The following TANC1 variants were observed in gnomAD, a reference collection of about 807,000 sequenced individuals.
The protein encoded by TANC1 is protein TANC1.
Under a neutral mutation model 149.7 loss-of-function variants are expected in TANC1, and 77 were observed. The ratio of observed to expected loss-of-function variants is 0.51; its 90% CI spans 0.43 to 0.62. The LOEUF is 0.62. TANC1 is among the 20% of genes least tolerant of loss of function. TANC1 has a pLI of 0.00. For missense variants in TANC1, 1,985 were observed against 2,321.8 expected, an observed-to-expected ratio of 0.85 and a Z score of 2.98; for synonymous variants, 854 against 925.0, an observed-to-expected ratio of 0.92 and a Z score of 1.39.
intron 1 of TANC1, among the ~76,000 whole-genome samples, chr2:158,996,551 G>T (rs1169563539): frequency 6.6e-6 from 1 of 152,188 alleles, no homozygotes; most frequent in Non-Finnish European, 1.5e-5. Flanking sequence ...GCCTGTAGGT[G>T]TAACATAATT....
chr2:159,050,697 G>C (rs1287077227), intron 2 of TANC1, among the ~76,000 whole-genome samples: 1 of 152,238 alleles, frequency 6.6e-6, no homozygotes, highest in Non-Finnish European at 1.5e-5. Context: ...ACAGGAGGTT[G>C]TCTGTGAAAT....
At position 159,194,750 on chromosome 2, in the gene TANC1, G is replaced by A. The variant is rs750905820; in HGVS notation, c.2979+257G>A. On this transcript the variant is annotated intron_variant, in intron 17 of 26. Coordinates refer to ENST00000263635, the MANE Select transcript of TANC1 (RefSeq NM_033394.3). ...AGACCCTGGCTCCTAGCCGCATGAG[G>A]AGGGCCAGCCTTTAAAAAGCCTGCA... Among the ~76,000 whole-genome samples the A allele has an allele frequency of 3.0e-4, 46 of 152,250 alleles. 1 individual carries two copies. Among genetic ancestry groups the A allele is most frequent in the Non-Finnish European group, 5.9e-4 (40 of 68,034 alleles).
chr2:159,083,832 C>T (rs928100015), intron 3 of TANC1, among the ~76,000 whole-genome samples: 12 of 150,764 alleles, frequency 8.0e-5, no homozygotes, highest in Admixed American at 5.9e-4. Context: ...AGATATTTTA[C>T]GAGACATGTC....
In TANC1 at chr2:159,178,824, C is replaced by T; in HGVS notation, c.2171C>T (p.Ala724Val). 1 of 1,614,204 alleles carries T rather than the reference C, an allele frequency of 6.2e-7. No individual in the cohort carries two copies. Among genetic ancestry groups the T allele is most frequent in the Non-Finnish European group, 8.5e-7 (1 of 1,180,034 alleles). The change falls in exon 14 of 27, where the codon GCC (alanine) becomes GTC (valine). Residue 724 changes from alanine (A) to valine (V), a missense_variant. Transcript: ENST00000263635. ...AGGGGCCACTTGGTCATTAAGAGTG[C>T]CAGCTACAAGGTGGTGCCCGTGTCT... Reference protein sequence around the residue: ...FQRGHLVIKSASYKVVPVSLS... With the variant: ...FQRGHLVIKSVSYKVVPVSLS...
At chr2:158,998,770 A>G (rs980565035) in intron 1 of TANC1, among the ~76,000 whole-genome samples, 1 of 152,204 alleles carries the variant, frequency 6.6e-6, no homozygotes, top group African/African-American at 2.4e-5. Context: ...GACAGAACTG[A>G]GCTACTAAAG....
At chr2:159,151,852 A>G (rs1559353767) in intron 7 of TANC1, among the ~76,000 whole-genome samples, 2 of 152,230 alleles carry the variant, frequency 1.3e-5, no homozygotes, top group Non-Finnish European at 2.9e-5. Flanking sequence ...GATGAAATTC[A>G]CATACCATAG....
intron 4 of TANC1, among the ~76,000 whole-genome samples, chr2:159,098,510 G>A (rs2046358835): frequency 6.6e-6 from 1 of 152,130 alleles, no homozygotes; most frequent in Admixed American, 6.5e-5. Flanking sequence ...TAAAGGTTAT[G>A]GATGTAGGCA....
At chr2:159,210,523 T>G (rs1329627692) in intron 19 of TANC1, among the ~76,000 whole-genome samples, 7 of 152,202 alleles carry the variant, frequency 4.6e-5, no homozygotes, top group Admixed American at 4.6e-4. Context: ...CTCTCACTGC[T>G]GTTTCCAATA....
At chr2:159,002,195 G>A (rs1474699663) in intron 2 of TANC1, among the ~76,000 whole-genome samples, 3 of 152,320 alleles carry the variant, frequency 2.0e-5, no homozygotes, top group African/African-American at 7.2e-5. Flanking sequence ...GGGGCTGGCG[G>A]TATGGACAGT....
intron 4 of TANC1, among the ~76,000 whole-genome samples, chr2:159,116,996 C>T (rs1390342956): frequency 3.3e-5 from 5 of 152,140 alleles, no homozygotes; most frequent in Non-Finnish European, 7.4e-5. Flanking sequence ...GGAATAGTGG[C>T]CTTCGATCAC....
intron 2 of TANC1, among the ~76,000 whole-genome samples, chr2:159,022,029 C>T (rs2149431526): frequency 6.6e-6 from 1 of 152,260 alleles, no homozygotes; most frequent in East Asian, 1.9e-4. Context: ...TTCAGTGTTT[C>T]AGAACTGTGG....
At chr2:159,217,774 T>A in intron 20 of TANC1, 144 bp downstream of exon 20, 1 of 1,069,840 alleles carries the variant, frequency 9.3e-7, no homozygotes, top group Non-Finnish European at 1.3e-6. Context: ...CAGGACTGCT[T>A]GATAGAGCCA....
intron 4 of TANC1, among the ~76,000 whole-genome samples, chr2:159,117,198 G>C (rs996272090): frequency 6.6e-6 from 1 of 152,140 alleles, no homozygotes; most frequent in Non-Finnish European, 1.5e-5. Flanking sequence ...AGACCTCTTA[G>C]TTACCATTAA....
chr2:159,187,030 C>T lies in TANC1; in HGVS notation c.2742+6C>T, dbSNP rs755171453. ...TCTATACTCCCAACGTGAAGGTGAG[C>T]AACCTTCTGCACAGAGAGCCGGAGA... is the stretch of plus-strand genomic sequence containing the variant. On this transcript the variant is annotated splice_donor_region_variant and intron_variant, in intron 16 of 26. Coordinates refer to ENST00000263635, the MANE Select transcript of TANC1 (RefSeq NM_033394.3). 3.7e-6 allele frequency: 6 copies of T among 1,613,952 alleles called. No homozygotes were observed. Among genetic ancestry groups the T allele is most frequent in the South Asian group, 1.1e-5 (1 of 91,032 alleles).
intron 19 of TANC1, among the ~76,000 whole-genome samples, chr2:159,200,873 A>C (rs1295092341): frequency 1.3e-5 from 2 of 152,210 alleles, no homozygotes; most frequent in Non-Finnish European, 2.9e-5. Flanking sequence ...CTTAATGAAA[A>C]GGTAAACAGT....
At chr2:159,142,961 G>A (rs2051546930) in intron 5 of TANC1, among the ~76,000 whole-genome samples, 1 of 151,542 alleles carries the variant, frequency 6.6e-6, no homozygotes, top group Non-Finnish European at 1.5e-5. Flanking sequence ...TACTCGGGAG[G>A]CTGAGGCAGG....
At position 159,229,599 on chromosome 2, in the gene TANC1, T is replaced by A. The variant is rs1435303572; in HGVS notation, c.4173T>A (p.Ala1391=). Reference sequence around the variant, plus strand: ...AAAGGCAATTCGTGGCAGCTCTGGCTGACCTGCAAGAGGCTGTGAAACTCT... The same window carrying A: ...AAAGGCAATTCGTGGCAGCTCTGGCAGACCTGCAAGAGGCTGTGAAACTCT... The part of the protein sequence containing the change: ...RNSRQFVAAL[A]DLQEAVKLCP... The change falls in exon 27 of 27, where the codon GCT becomes GCA. Residue 1391 remains alanine, a synonymous_variant. Transcript: ENST00000263635. 1 of 1,613,144 alleles carries A rather than the reference T, an allele frequency of 6.2e-7. No individual in the cohort carries two copies. Among genetic ancestry groups the A allele is most frequent in the African/African-American group, 1.3e-5 (1 of 74,842 alleles).
At chr2:159,020,465 A>G (rs968726856) in intron 2 of TANC1, among the ~76,000 whole-genome samples, 1 of 152,194 alleles carries the variant, frequency 6.6e-6, no homozygotes, top group African/African-American at 2.4e-5. Flanking sequence ...TTTCCTTCAG[A>G]AAAAGTCCCA....
At chr2:159,060,432 T>G (rs1030979324) in intron 2 of TANC1, among the ~76,000 whole-genome samples, 1 of 152,240 alleles carries the variant, frequency 6.6e-6, no homozygotes, top group East Asian at 1.9e-4. Context: ...TATGAAGAGA[T>G]ATTGCTAAAT....
Sources: allele counts gnomAD v4.1 joint callset (sites outside exome capture counted in the v4.1 genomes callset), GRCh38; gene constraint gnomAD v4.1.1; transcripts MANE v1.5; gene names NCBI Gene and HGNC (gene_info 2026-07-23, HGNC 2026-07-21).